Variants in PDK1 observed in about 807,000 individuals in gnomAD.
PDK1 encodes pyruvate dehydrogenase kinase 1, also known as [Pyruvate dehydrogenase (acetyl-transferring)] kinase isozyme 1, mitochondrial.
A neutral mutation model predicts 54.2 loss-of-function variants in PDK1; 39 were observed. That is an observed-to-expected ratio of 0.72 (90% confidence interval 0.56 to 0.94). PDK1 has a LOEUF of 0.94. PDK1 is among the 40% of genes least tolerant of loss of function. The probability of loss-of-function intolerance (pLI) is 0.00; values close to 1 mark genes in which losing one functional copy is unlikely to be tolerated. For missense variants in PDK1, 552 were observed against 566.0 expected, an observed-to-expected ratio of 0.98 and a Z score of 0.25; for synonymous variants, 221 against 207.1, an observed-to-expected ratio of 1.07 and a Z score of -0.58.
At chr2:172,715,642 C>A in the PDK1 span, among the ~76,000 whole-genome samples, 1 of 152,108 alleles carries the variant, frequency 6.6e-6, no homozygotes, top group Non-Finnish European at 1.5e-5. Flanking sequence ...CAGTGAACAG[C>A]CGGTGGGACA....
intron 1 of PDK1, 39 bp downstream of exon 1, chr2:172,556,385 C>T (rs1688323426): frequency 1.5e-6 from 2 of 1,353,124 alleles, no homozygotes; most frequent in East Asian, 2.8e-5. Flanking sequence ...TTTGCGCGGT[C>T]CCGGGCGGGG....
At chr2:172,706,763 G>T in the PDK1 span, among the ~76,000 whole-genome samples, 1 of 152,156 alleles carries the variant, frequency 6.6e-6, no homozygotes, top group South Asian at 2.1e-4. Flanking sequence ...GGGGTATTCT[G>T]TTTGTGCCTC....
At chr2:172,566,414 G>T (rs549839304) in intron 5 of PDK1, among the ~76,000 whole-genome samples, 1 of 152,248 alleles carries the variant, frequency 6.6e-6, no homozygotes, top group African/African-American at 2.4e-5. Context: ...AATTAGCTGG[G>T]CGTGGTGACC....
At chr2:172,641,459 T>TTTTTTA in the PDK1 span, among the ~76,000 whole-genome samples, 1 of 110,386 alleles carries the variant, frequency 9.1e-6, no homozygotes. Context: ...TTTTTTTTTT[T>TTTTTTA]GAGACGGAGT....
chr2:172,692,460 G>C, the PDK1 span, among the ~76,000 whole-genome samples: 2 of 152,284 alleles, frequency 1.3e-5, no homozygotes, highest in African/African-American at 4.8e-5. Flanking sequence ...CACTCCTTAA[G>C]TGTAATAGCC....
chr2:172,683,306 C>T, the PDK1 span, among the ~76,000 whole-genome samples: 1 of 150,306 alleles, frequency 6.7e-6, no homozygotes, highest in Non-Finnish European at 1.5e-5. Context: ...GAGATCGCAC[C>T]ACTGCACTCC....
At chr2:172,703,758 C>CTTTTTTTTTT in the PDK1 span, among the ~76,000 whole-genome samples, 2 of 114,112 alleles carry the variant, frequency 1.8e-5, no homozygotes, top group African/African-American at 7.7e-5. Context: ...CTTTTTCTTT[C>CTTTTTTTTTT]TTTCTTTCTT....
At chr2:172,713,342 C>T in the PDK1 span, among the ~76,000 whole-genome samples, 2 of 152,304 alleles carry the variant, frequency 1.3e-5, no homozygotes, top group East Asian at 3.9e-4. Context: ...GCCTGGTCCC[C>T]AGGCTTCAGG....
At chr2:172,666,887 A>G in the PDK1 span, among the ~76,000 whole-genome samples, 1 of 152,242 alleles carries the variant, frequency 6.6e-6, no homozygotes, top group Non-Finnish European at 1.5e-5. Context: ...GTACTTAACA[A>G]TTTACTGGCT....
At chr2:172,628,288 A>G in the PDK1 span, among the ~76,000 whole-genome samples, 1 of 152,244 alleles carries the variant, frequency 6.6e-6, no homozygotes, top group Non-Finnish European at 1.5e-5. Context: ...CGCCCTGCCA[A>G]TAAAACACTT....
At chr2:172,656,415 C>G in the PDK1 span, among the ~76,000 whole-genome samples, 1 of 152,168 alleles carries the variant, frequency 6.6e-6, no homozygotes, top group Non-Finnish European at 1.5e-5. Flanking sequence ...TGTCCCTGGG[C>G]TGTGACCTTT....
At chr2:172,670,413 G>A in the PDK1 span, among the ~76,000 whole-genome samples, 1 of 152,176 alleles carries the variant, frequency 6.6e-6, no homozygotes, top group Admixed American at 6.5e-5. Context: ...AGCTGAGTGA[G>A]AAAATGTTAA....
At chr2:172,667,922 C>G in the PDK1 span, among the ~76,000 whole-genome samples, 1 of 152,158 alleles carries the variant, frequency 6.6e-6, no homozygotes, top group Non-Finnish European at 1.5e-5. Context: ...TTCTTGCTTC[C>G]AAATGCATTG....
At chr2:172,564,223 C>A in intron 3 of PDK1, 1 of 480,512 alleles carries the variant, frequency 2.1e-6, no homozygotes, top group Non-Finnish European at 3.9e-6. Flanking sequence ...CAGTTAAAAC[C>A]ATTAACATTT....
intron 8 of PDK1, among the ~76,000 whole-genome samples, chr2:172,585,381 A>C (rs963806715): frequency 7.7e-6 from 1 of 129,926 alleles, no homozygotes; most frequent in African/African-American, 3.1e-5. Context: ...GCTGGAGTGC[A>C]GTGGTACGAT....
chr2:172,622,679 A>C, the PDK1 span, among the ~76,000 whole-genome samples: 1 of 124,424 alleles, frequency 8.0e-6, no homozygotes, highest in African/African-American at 2.8e-5. Flanking sequence ...TATCTCATAT[A>C]TTATGTGAGA....
chr2:172,566,251 T>C (rs1399001703), intron 5 of PDK1, among the ~76,000 whole-genome samples: 1 of 152,204 alleles, frequency 6.6e-6, no homozygotes, highest in Non-Finnish European at 1.5e-5. Flanking sequence ...AGCTTTGTCA[T>C]GTCACACTTA....
chr2:172,628,164 C>T, the PDK1 span, among the ~76,000 whole-genome samples: 2 of 152,160 alleles, frequency 1.3e-5, no homozygotes, highest in Non-Finnish European at 2.9e-5. Context: ...TATTATTTTG[C>T]CTATAGCTTC....
chr2:172,557,992 C>G, intron 1 of PDK1, among the ~76,000 whole-genome samples: 1 of 150,746 alleles, frequency 6.6e-6, no homozygotes, highest in Non-Finnish European at 1.5e-5. Flanking sequence ...CCACCACGCC[C>G]GGCTATTTTT....
Sources: allele counts gnomAD v4.1 joint callset (sites outside exome capture counted in the v4.1 genomes callset), GRCh38; gene constraint gnomAD v4.1.1; transcripts MANE v1.5; gene names NCBI Gene and HGNC (gene_info 2026-07-23, HGNC 2026-07-21).